The following ATF7IP2 variants were observed in gnomAD, a reference collection of about 807,000 sequenced individuals.
ATF7IP2 encodes activating transcription factor 7-interacting protein 2.
A neutral mutation model predicts 64.2 loss-of-function variants in ATF7IP2; 42 were observed. That is an observed-to-expected ratio of 0.65 (90% confidence interval 0.51 to 0.85). ATF7IP2 has a LOEUF of 0.85. Ranked by LOEUF, ATF7IP2 falls within the 40% of genes least tolerant of loss-of-function variation. The pLI is 0.00. For missense variants in ATF7IP2, 933 were observed against 784.2 expected (o/e 1.19, Z -2.27); for synonymous variants, 308 against 272.8 (o/e 1.13, Z -1.27).
chr16:10,389,952 TTG>T (rs2047289488), intron 1 of ATF7IP2, among the ~76,000 whole-genome samples: 1 of 152,198 alleles, frequency 6.6e-6, no homozygotes, highest in Admixed American at 6.5e-5. Context: ...AATAACTGTT[TTG>T]TGTTTGTGAT....
At chr16:10,417,590 A>G (rs993597500) in intron 2 of ATF7IP2, among the ~76,000 whole-genome samples, 5 of 152,192 alleles carry the variant, frequency 3.3e-5, no homozygotes, top group African/African-American at 1.2e-4. Context: ...AAATATTACT[A>G]TAGTTAAAGA....
intron 8 of ATF7IP2, chr16:10,446,472 A>G (rs1031341358): frequency 2.0e-5 from 3 of 152,158 alleles, no homozygotes; most frequent in African/African-American, 7.2e-5. Context: ...TAGGGGGTGA[A>G]GGAGTACAGG....
At chr16:10,468,881 G>T (rs62027484) in intron 9 of ATF7IP2, among the ~76,000 whole-genome samples, 27,136 of 152,094 alleles carry the variant, frequency 0.18, 2,603 homozygotes, top group South Asian at 0.24. Flanking sequence ...TTTATAATCA[G>T]AAGTAACAGG....
chr16:10,422,342 T>C (rs1366805657), intron 3 of ATF7IP2, among the ~76,000 whole-genome samples: 1 of 152,150 alleles, frequency 6.6e-6, no homozygotes, highest in Non-Finnish European at 1.5e-5. Context: ...ACTTTGCAAA[T>C]TTTTTCCTAG....
At chr16:10,477,441 A>C (rs1370680666) in intron 12 of ATF7IP2, among the ~76,000 whole-genome samples, 2 of 152,186 alleles carry the variant, frequency 1.3e-5, no homozygotes, top group African/African-American at 4.8e-5. Flanking sequence ...TCATGCTAAA[A>C]ACTCTCAATA....
In ATF7IP2 at chr16:10,480,863, C is replaced by A. The variant is rs984633734; in HGVS notation, c.1550-16C>A. The stretch of plus-strand genomic sequence containing the variant: ...TGCAGATAAGATTTACTTCTTAAAC[C>A]TTGTGTTGTTCACAGAAAGTCCAGT... On this transcript the variant is annotated splice_polypyrimidine_tract_variant and intron_variant, in intron 12 of 13. Coordinates refer to ENST00000562102, the MANE Select transcript of ATF7IP2 (RefSeq NM_001393719.1). 4 of 1,561,262 alleles carry A rather than the reference C, an allele frequency of 2.6e-6. No individual in the cohort carries two copies. In the African/African-American group the frequency reaches 5.4e-5, roughly 21 times the overall value.
chr16:10,400,073 C>G (rs1209261450), intron 1 of ATF7IP2, among the ~76,000 whole-genome samples: 2 of 151,998 alleles, frequency 1.3e-5, no homozygotes, highest in African/African-American at 4.8e-5. Flanking sequence ...GAGAGTCTTA[C>G]TCTGTCAGCC....
At chr16:10,480,127 A>G (rs2050167968) in intron 12 of ATF7IP2, among the ~76,000 whole-genome samples, 1 of 151,650 alleles carries the variant, frequency 6.6e-6, no homozygotes, top group African/African-American at 2.4e-5. Context: ...AGCTGGGACT[A>G]CAGGCACGCG....
At position 10,482,324 on chromosome 16, in the gene ATF7IP2, C is replaced by A; in HGVS notation, c.*75C>A. The A allele has an allele frequency of 8.3e-7, 1 of 1,205,504 alleles. No homozygotes were observed. The allele number at this position is 1,205,504 out of a possible 1,614,324, so 74.7% of individuals were successfully genotyped here. A position where few individuals can be genotyped will look rare whatever the true frequency, so the allele number is the denominator to read the frequency against. On this transcript the variant is annotated 3_prime_UTR_variant, in exon 14 of 14. Coordinates refer to ENST00000562102, the MANE Select transcript of ATF7IP2 (RefSeq NM_001393719.1). ...GCAATGTTACTGTAATACTATTTGC[C>A]ATTGTAAAAGGCCAGCTCAGATTGT...
At chr16:10,475,499 G>A (rs1218385689) in intron 12 of ATF7IP2, among the ~76,000 whole-genome samples, 1 of 151,942 alleles carries the variant, frequency 6.6e-6, no homozygotes, top group African/African-American at 2.4e-5. Flanking sequence ...AGACTATCCT[G>A]GCTAACATGG....
chr16:10,481,802 T>G (rs754360059), intron 13 of ATF7IP2, 34 bp from the exon 14 acceptor site: 2 of 1,524,504 alleles, frequency 1.3e-6, no homozygotes, highest in African/African-American at 2.8e-5. Flanking sequence ...TTGACCACTT[T>G]AAAAGCTATA....
chr16:10,393,045 C>T (rs1351251051), intron 1 of ATF7IP2, among the ~76,000 whole-genome samples: 4 of 151,342 alleles, frequency 2.6e-5, no homozygotes, highest in Non-Finnish European at 4.4e-5. Context: ...TGCGATGGCT[C>T]ACACCTGTAA....
intron 3 of ATF7IP2, among the ~76,000 whole-genome samples, chr16:10,427,336 C>G (rs1326464211): frequency 2.6e-5 from 4 of 152,126 alleles, no homozygotes; most frequent in Admixed American, 2.0e-4. Flanking sequence ...AATTCTTTAT[C>G]CAAGTAGATT....
intron 8 of ATF7IP2, among the ~76,000 whole-genome samples, chr16:10,456,471 A>T: frequency 6.6e-6 from 1 of 152,130 alleles, no homozygotes; most frequent in Non-Finnish European, 1.5e-5. Flanking sequence ...TCCCCTGTTT[A>T]GGTTTAGTGT....
intron 1 of ATF7IP2, among the ~76,000 whole-genome samples, chr16:10,408,457 G>A (rs1316748760): frequency 6.6e-6 from 1 of 152,154 alleles, no homozygotes; most frequent in Non-Finnish European, 1.5e-5. Flanking sequence ...ATTCCCACCA[G>A]CAGCATAGAA....
chr16:10,449,644 T>C (rs1165333304), intron 8 of ATF7IP2: 1 of 152,252 alleles, frequency 6.6e-6, no homozygotes, highest in Non-Finnish European at 1.5e-5. Context: ...GTGGGATCAG[T>C]GGTGATATCC....
At chr16:10,400,429 T>C (rs1007434276) in intron 1 of ATF7IP2, among the ~76,000 whole-genome samples, 3 of 152,214 alleles carry the variant, frequency 2.0e-5, no homozygotes, top group African/African-American at 7.2e-5. Context: ...ATACATAAGA[T>C]CATATATCAT....
chr16:10,414,836 C>G (rs2047839782), intron 2 of ATF7IP2, among the ~76,000 whole-genome samples: 1 of 152,120 alleles, frequency 6.6e-6, no homozygotes, highest in Non-Finnish European at 1.5e-5. Flanking sequence ...TACTCTTCCC[C>G]TTTTCCTAGG....
intron 12 of ATF7IP2, among the ~76,000 whole-genome samples, chr16:10,477,193 A>T (rs13334724): frequency 0.13 from 20,161 of 152,164 alleles, 3,213 homozygotes; most frequent in African/African-American, 0.38. Context: ...AATCTGTCTA[A>T]CTGACAAAGG....
Sources: allele counts gnomAD v4.1 joint callset (sites outside exome capture counted in the v4.1 genomes callset), GRCh38; gene constraint gnomAD v4.1.1; transcripts MANE v1.5; gene names NCBI Gene and HGNC (gene_info 2026-07-23, HGNC 2026-07-21).